The following ZNF84 variants were observed in gnomAD, a reference collection of about 807,000 sequenced individuals.
ZNF84 encodes zinc finger protein HPF2.
A neutral mutation model predicts 14.8 loss-of-function variants in ZNF84; 12 were observed. The observed-to-expected ratio is 0.81, with a 90% CI of 0.52 to 1.31. The LOEUF is 1.31. Ranked by LOEUF, ZNF84 falls within the 50% of genes most tolerant of loss-of-function variation. The pLI is 0.00. For missense variants in ZNF84, 859 were observed against 878.6 expected, an observed-to-expected ratio of 0.98 and a Z score of 0.28; for synonymous variants, 347 against 291.1, an observed-to-expected ratio of 1.19 and a Z score of -1.96.
At chr12:133,046,193 G>C (rs1054647464) in intron 2 of ZNF84, among the ~76,000 whole-genome samples, 4 of 151,798 alleles carry the variant, frequency 2.6e-5, no homozygotes, top group Non-Finnish European at 4.4e-5. Context: ...TCCCTTTCTT[G>C]TAAGGTCTTT....
Position 133,059,785 on chromosome 12 carries a change from G to A in ZNF84, c.*853G>A, listed in dbSNP as rs1954226506. On this transcript the variant is annotated 3_prime_UTR_variant, in exon 5 of 5. Transcript: ENST00000539354. The stretch of plus-strand genomic sequence containing the variant: ...ATTTTTTAACAATAATATAAAAAAT[G>A]GAAACTCATGTAACATGACTACATG... The A allele has an allele frequency of 6.6e-6, 1 of 152,106 alleles. No homozygotes were observed. The highest frequency in any genetic ancestry group is 2.4e-5 in the African/African-American group (1 of 41,424). 9.4% of individuals were successfully genotyped at this position (152,106 alleles called of 1,614,324 possible). A position where few individuals can be genotyped will look rare whatever the true frequency, so the allele number is the denominator to read the frequency against.
chr12:133,055,831 G>T (rs1378395927), intron 4 of ZNF84, among the ~76,000 whole-genome samples: 30 of 152,146 alleles, frequency 2.0e-4, no homozygotes, highest in African/African-American at 6.5e-4. Flanking sequence ...CGGCGCAGTG[G>T]CTCACACCTG....
chr12:133,060,390 G>C lies in ZNF84; in HGVS notation c.*1458G>C, dbSNP rs1225998302. On this transcript the variant is annotated 3_prime_UTR_variant, in exon 5 of 5. Transcript: ENST00000539354. ...TTTCTGTGGTCCCTGGAAAAGTACA[G>C]ATGATCCTGGACTTACAGTGGGGTT... 1.3e-5 allele frequency: 2 copies of C among 152,184 alleles called. No homozygotes were observed. Among genetic ancestry groups the C allele is most frequent in the African/African-American group, 4.8e-5 (2 of 41,454 alleles). The allele number at this position is 152,184 out of a possible 1,614,324, so 9.4% of individuals were successfully genotyped here.
chr12:133,048,166 T>C, intron 3 of ZNF84, 85 bp downstream of exon 3: 2 of 1,327,082 alleles, frequency 1.5e-6, no homozygotes, highest in South Asian at 3.2e-5. Flanking sequence ...CAGAAGCCTA[T>C]AGCTAGGCTT....
At chr12:133,048,978 G>C (rs1486621364) in intron 4 of ZNF84, 130 bp downstream of exon 4, 3 of 640,232 alleles carry the variant, frequency 4.7e-6, no homozygotes, top group Non-Finnish European at 8.1e-6. Flanking sequence ...CGGGTGGGCT[G>C]GTCATTGATG....
At position 133,048,785 on chromosome 12, in the gene ZNF84, A is replaced by C. The variant is rs1235864323; in HGVS notation, c.175A>C (p.Lys59Gln). The change falls in exon 4 of 5, where the codon AAA becomes CAA. Residue 59 changes from lysine (K) to glutamine (Q), a missense_variant. Transcript: ENST00000539354. The part of the protein sequence containing the change: ...YEVMKPDVIF[K>Q]LEQGEEPWVG... ...AGTTATGAAACCAGATGTCATCTTC[A>C]AATTGGAGCAAGGAGAAGAGCCGTG... is the stretch of plus-strand genomic sequence containing the variant. The C allele has an allele frequency of 7.4e-6, 12 of 1,613,756 alleles. No homozygotes were observed. Among genetic ancestry groups the C allele is most frequent in the Non-Finnish European group, 9.3e-6 (11 of 1,179,880 alleles).
chr12:133,044,541 G>A (rs1776711739), intron 2 of ZNF84, among the ~76,000 whole-genome samples: 2 of 152,032 alleles, frequency 1.3e-5, no homozygotes. Flanking sequence ...TTAAAATTGT[G>A]GGATCAGTTT....
At chr12:133,048,700 C>A in intron 3 of ZNF84, 53 bp from the exon 4 acceptor site, 2 of 1,402,556 alleles carry the variant, frequency 1.4e-6, no homozygotes, top group Non-Finnish European at 1.0e-6. Flanking sequence ...ACTTTAGAGG[C>A]CCTAAACCCC....
In ZNF84 at chr12:133,058,711, C is replaced by T. The variant is rs970495485; in HGVS notation, c.1996C>T (p.Arg666Trp). 39 of 1,613,652 alleles carry T rather than the reference C, an allele frequency of 2.4e-5. No individual in the cohort carries two copies. Among genetic ancestry groups the T allele is most frequent in the East Asian group, 8.9e-5 (4 of 44,876 alleles). ...CAGTGAGTGTGGCAAAGCTTTCTCT[C>T]GGAAGTCACACCTTATACCACATCA... Reference protein sequence around the residue: ...ECSECGKAFSRKSHLIPHQRT... With the variant: ...ECSECGKAFSWKSHLIPHQRT... Residue 666 changes from arginine (R) to tryptophan (W), a missense_variant, in exon 5 of 5, where the codon CGG becomes TGG. Physicochemically the swap from Arg to Trp is moderately radical, Grantham distance 101 (BLOSUM62 -3). Transcript: ENST00000539354.
In ZNF84 at chr12:133,041,418, A is replaced by G; in HGVS notation, c.-50A>G. 6.2e-7 allele frequency: 1 copy of G among 1,607,702 alleles called. No homozygotes were observed. The highest frequency in any genetic ancestry group is 8.5e-7 in the Non-Finnish European group (1 of 1,174,314). On this transcript the variant is annotated 5_prime_UTR_variant, in exon 2 of 5. Coordinates refer to ENST00000539354, the MANE Select transcript of ZNF84 (RefSeq NM_001289971.2). ...TTTGGGGCAGAAGCAGAAGAGACGC[A>G]CAGTAGAACCGATCTCAGCCTTGCT...
intron 4 of ZNF84, among the ~76,000 whole-genome samples, chr12:133,051,212 G>A (rs1356013540): frequency 2.6e-5 from 4 of 151,882 alleles, no homozygotes; most frequent in Non-Finnish European, 4.4e-5. Context: ...CACCTAGTGG[G>A]TTTAATCCTT....
At chr12:133,056,819 C>A in intron 4 of ZNF84, 135 bp from the exon 5 acceptor site, 2 of 631,180 alleles carry the variant, frequency 3.2e-6, no homozygotes, top group Non-Finnish European at 5.3e-6. Flanking sequence ...AGTTATTATA[C>A]TTGGGACTTA....
At chr12:133,056,912 T>A in intron 4 of ZNF84, 42 bp from the exon 5 acceptor site, 2 of 1,503,160 alleles carry the variant, frequency 1.3e-6, no homozygotes, top group East Asian at 4.6e-5. Flanking sequence ...GTTTTGTTTT[T>A]AGAAAGCACA....
chr12:133,054,725 T>C (rs2137404528), intron 4 of ZNF84, among the ~76,000 whole-genome samples: 1 of 152,190 alleles, frequency 6.6e-6, no homozygotes. Flanking sequence ...ACAACTATTA[T>C]TTTTCAATTA....
chr12:133,038,361 GTA>G (rs1953825528), intron 1 of ZNF84, among the ~76,000 whole-genome samples: 1 of 151,966 alleles, frequency 6.6e-6, no homozygotes, highest in East Asian at 1.9e-4. Context: ...TAATTTGTAT[GTA>G]TTACAGTGGG....
In ZNF84 at chr12:133,058,350, C is replaced by T; in HGVS notation, c.1635C>T (p.Cys545=). Residue 545 remains cysteine, a synonymous_variant, in exon 5 of 5, where the codon TGC becomes TGT. Transcript: ENST00000539354. ...RTHTGEKPYE[C]SECGKAFGEK... ...ATACAGGGGAGAAACCCTATGAATG[C>T]AGTGAATGTGGGAAGGCCTTTGGTG... 1 of 1,614,032 alleles carries T rather than the reference C, an allele frequency of 6.2e-7. No homozygotes were observed. The highest frequency in any genetic ancestry group is 8.5e-7 in the Non-Finnish European group (1 of 1,179,966).
Position 133,060,236 on chromosome 12 carries a change from T to C in ZNF84, c.*1304T>C, listed in dbSNP as rs915144367. On this transcript the variant is annotated 3_prime_UTR_variant, in exon 5 of 5. Transcript: ENST00000539354. The stretch of plus-strand genomic sequence containing the variant: ...TATGCTTTTTGTGTTGCATAAAATA[T>C]CTTGTAAAAATTAGATGGATAAATG... 25 of 152,308 alleles carry C rather than the reference T, an allele frequency of 1.6e-4. No individual in the cohort carries two copies. The highest frequency in any genetic ancestry group is 5.3e-4 in the African/African-American group (22 of 41,554). The allele number at this position is 152,308 out of a possible 1,614,324, so 9.4% of individuals were successfully genotyped here. A position where few individuals can be genotyped will look rare whatever the true frequency, so the allele number is the denominator to read the frequency against.
At chr12:133,046,364 T>G (rs1953978927) in intron 2 of ZNF84, among the ~76,000 whole-genome samples, 4 of 30,090 alleles carry the variant, frequency 1.3e-4, no homozygotes, top group Admixed American at 5.7e-4. Context: ...TTTTTTTTTT[T>G]TTTTTTTTTT....
intron 1 of ZNF84, among the ~76,000 whole-genome samples, chr12:133,040,087 C>T (rs1174830288): frequency 1.3e-5 from 2 of 152,000 alleles, no homozygotes; most frequent in Admixed American, 1.3e-4. Flanking sequence ...GGTGATCCAT[C>T]TGCCTTGGCC....
Sources: gnomAD v4.1 joint callset for allele counts (sites outside exome capture counted in the v4.1 genomes callset) on GRCh38, gnomAD v4.1.1 for gene constraint, MANE v1.5 for transcripts, NCBI Gene and HGNC (gene_info 2026-07-23, HGNC 2026-07-21) for gene names.